ELOVL2: variants seen among roughly 807,000 people sequenced by gnomAD.
ELOVL2 encodes the protein ELOVL fatty acid elongase 2, also known as very long chain fatty acid elongase 2.
Under a neutral mutation model 37.7 loss-of-function variants are expected in ELOVL2, and 38 were observed. The ratio of observed to expected loss-of-function variants is 1.01; its 90% CI spans 0.78 to 1.32. The LOEUF (loss-of-function observed/expected upper bound fraction) is 1.32, where lower values mean the gene tolerates loss of function less well. ELOVL2 is among the 40% of genes most tolerant of loss of function. The pLI is 0.00. For synonymous variants in ELOVL2, 115 were observed against 122.3 expected, an observed-to-expected ratio of 0.94 and a Z score of 0.40; for missense variants, 352 against 363.6, an observed-to-expected ratio of 0.97 and a Z score of 0.26.
intron 1 of ELOVL2, among the ~76,000 whole-genome samples, chr6:11,041,519 T>C (rs962131246): frequency 3.9e-5 from 6 of 152,190 alleles, no homozygotes; most frequent in Non-Finnish European, 7.4e-5. Flanking sequence ...TTTGGAATCC[T>C]AGGAATCCTA....
rs953522165 is a variant in ELOVL2 at position 11,010,796 on chromosome 6, G to C, written c.17C>G (p.Ala6Gly). ...AAAAGCATTGATTTCATCATCAAAGGCCTTTAGATGTTCCTAAAAAGAGAA... is the reference window on the plus strand; with the variant it reads ...AAAAGCATTGATTTCATCATCAAAGCCCTTTAGATGTTCCTAAAAAGAGAA... MEHLK[A>G]FDDEINAFLD... The change falls in exon 2 of 8, where the codon GCC (alanine) becomes GGC (glycine). Residue 6 changes from alanine to glycine, a missense_variant. Coordinates refer to ENST00000354666, the MANE Select transcript of ELOVL2 (RefSeq NM_017770.4). The C allele has an allele frequency of 1.2e-6, 2 of 1,605,272 alleles. No homozygotes were observed. The highest frequency in any genetic ancestry group is 1.7e-6 in the Non-Finnish European group (2 of 1,177,690).
intron 5 of ELOVL2, 77 bp downstream of exon 5, chr6:10,994,930 C>T (rs916166942): frequency 6.7e-6 from 8 of 1,188,828 alleles, no homozygotes; most frequent in South Asian, 3.4e-5. Context: ...GATCTGCATG[C>T]GATGCTTAAT....
chr6:11,034,969 C>T (rs1435145060), intron 1 of ELOVL2, among the ~76,000 whole-genome samples: 1 of 152,162 alleles, frequency 6.6e-6, no homozygotes, highest in Non-Finnish European at 1.5e-5. Flanking sequence ...CACCACTGCA[C>T]TCTAGCCTGG....
intron 1 of ELOVL2, among the ~76,000 whole-genome samples, chr6:11,013,768 G>C (rs1200975588): frequency 6.6e-6 from 1 of 151,208 alleles, no homozygotes; most frequent in South Asian, 2.1e-4. Context: ...GATGAGAAGG[G>C]AACAGTATAG....
At chr6:11,037,109 A>C (rs1783021777) in intron 1 of ELOVL2, among the ~76,000 whole-genome samples, 1 of 148,488 alleles carries the variant, frequency 6.7e-6, no homozygotes, top group Non-Finnish European at 1.5e-5. Context: ...AGAGGGAAAG[A>C]GGCAGAGAAG....
At position 11,042,042 on chromosome 6, in the gene ELOVL2, G is replaced by A. The variant is rs563191158; in HGVS notation, c.3+2186C>T. Among the ~76,000 whole-genome samples, 192 of 149,788 alleles carry A rather than the reference G, an allele frequency of 1.3e-3. 2 individuals carry two copies. The highest frequency in any genetic ancestry group is 4.5e-3 in the African/African-American group (175 of 39,260). ...AATACGATTTCAGCCGGGCATGGTG[G>A]CTCATGCCTTGTAATTCCAGCACTT... On this transcript the variant is annotated intron_variant, in intron 1 of 7. Transcript: ENST00000354666.
In ELOVL2 at chr6:10,982,820, A is replaced by C. The variant is rs1781963874; in HGVS notation, c.*961T>G. 6.6e-6 allele frequency: 1 copy of C among 152,228 alleles called. No individual in the cohort carries two copies. The highest frequency in any genetic ancestry group is 6.5e-5 in the Admixed American group (1 of 15,272). 9.4% of individuals were successfully genotyped at this position (152,228 alleles called of 1,614,324 possible). ...AGGTAATATTCACAAGTAGGCTCAC[A>C]AAAAAGAGTTGACGAATTCAGTGCC... On this transcript the variant is annotated 3_prime_UTR_variant, in exon 8 of 8. Transcript: ENST00000354666.
chr6:11,002,877 C>T (rs1243063725), intron 3 of ELOVL2, among the ~76,000 whole-genome samples: 1 of 152,224 alleles, frequency 6.6e-6, no homozygotes, highest in Non-Finnish European at 1.5e-5. Context: ...GAAAAGCTCA[C>T]TACATGCTGA....
chr6:11,016,972 T>G (rs924511516), intron 1 of ELOVL2, among the ~76,000 whole-genome samples: 5 of 152,210 alleles, frequency 3.3e-5, no homozygotes, highest in Admixed American at 3.3e-4. Flanking sequence ...CAACTACTAT[T>G]CTCTGGAGGG....
chr6:11,036,911 A>AT (rs3839413), intron 1 of ELOVL2, among the ~76,000 whole-genome samples: 7,578 of 147,422 alleles, frequency 0.051, 296 homozygotes, highest in Non-Finnish European at 0.078. Flanking sequence ...GCATGAGTTA[A>AT]TTTTTTTTTT....
intron 1 of ELOVL2, among the ~76,000 whole-genome samples, chr6:11,013,507 A>G (rs1782619172): frequency 6.6e-6 from 1 of 152,248 alleles, no homozygotes; most frequent in African/African-American, 2.4e-5. Context: ...GCAGAGAAAA[A>G]GCAGCAAACT....
intron 7 of ELOVL2, among the ~76,000 whole-genome samples, chr6:10,987,478 G>C (rs1782072456): frequency 6.6e-6 from 1 of 152,004 alleles, no homozygotes; most frequent in Non-Finnish European, 1.5e-5. Flanking sequence ...TTTCTCTTGT[G>C]GGCATTTAGT....
chr6:11,028,161 TC>T (rs1459151433), intron 1 of ELOVL2, among the ~76,000 whole-genome samples: 1 of 152,228 alleles, frequency 6.6e-6, no homozygotes, highest in Non-Finnish European at 1.5e-5. Context: ...ATAGAGTTCC[TC>T]TATAACTATG....
intron 1 of ELOVL2, among the ~76,000 whole-genome samples, chr6:11,013,887 C>T (rs933140596): frequency 7.3e-5 from 11 of 150,972 alleles, no homozygotes; most frequent in African/African-American, 2.7e-4. Context: ...AAAAAAAATC[C>T]TTTGAGCCAA....
intron 3 of ELOVL2, among the ~76,000 whole-genome samples, chr6:11,003,198 A>G (rs939697720): frequency 1.3e-5 from 2 of 152,208 alleles, no homozygotes; most frequent in Admixed American, 1.3e-4. Context: ...CAGGTTTGTT[A>G]CATAGGTATA....
intron 1 of ELOVL2, among the ~76,000 whole-genome samples, chr6:11,025,774 G>A (rs1182129367): frequency 1.3e-5 from 2 of 152,058 alleles, no homozygotes; most frequent in African/African-American, 2.4e-5. Context: ...TATTTTCATG[G>A]TTTTATGACT....
chr6:11,005,434 TGAGA>T lies in ELOVL2; in HGVS notation c.189_192del (p.Leu64GlyfsTer48), dbSNP rs1316641129. ...AGATTATACAAGGTGAGGATACCCC[TGAGA>T]GAAAGAGCAGGTCTGTTCTTCATAT... On this transcript the variant is annotated frameshift_variant, in exon 3 of 8. Transcript: ENST00000354666. LOFTEE classifies it high-confidence loss of function. The T allele has an allele frequency of 6.2e-7, 1 of 1,614,140 alleles. No homozygotes were observed. The highest frequency in any genetic ancestry group is 2.2e-5 in the East Asian group (1 of 44,884).
chr6:11,041,232 C>T (rs947353917), intron 1 of ELOVL2, among the ~76,000 whole-genome samples: 1 of 152,124 alleles, frequency 6.6e-6, no homozygotes, highest in East Asian at 1.9e-4. Context: ...CCAACCCAGA[C>T]GATCATCCAC....
intron 1 of ELOVL2, among the ~76,000 whole-genome samples, chr6:11,019,633 A>T (rs1782734734): frequency 6.6e-6 from 1 of 150,726 alleles, no homozygotes; most frequent in South Asian, 2.1e-4. Flanking sequence ...GTTAACAGTG[A>T]CTACTGCTGG....
Sources: allele counts gnomAD v4.1 joint callset (sites outside exome capture counted in the v4.1 genomes callset), GRCh38; gene constraint gnomAD v4.1.1; transcripts MANE v1.5; gene names NCBI Gene and HGNC (gene_info 2026-07-23, HGNC 2026-07-21).